Variants in SPIDR observed in about 807,000 individuals in gnomAD.
SPIDR encodes DNA repair-scaffolding protein.
Under a neutral mutation model 104.6 loss-of-function variants are expected in SPIDR, and 93 were observed. The ratio of observed to expected loss-of-function variants is 0.89; its 90% CI spans 0.75 to 1.06. The LOEUF (loss-of-function observed/expected upper bound fraction) is 1.06. Ranked by LOEUF, SPIDR falls within the 50% of genes least tolerant of loss-of-function variation. SPIDR has a pLI of 0.00. For synonymous variants in SPIDR, 431 were observed against 416.9 expected (o/e 1.03, Z -0.41); for missense variants, 1,154 against 1,111.2 (o/e 1.04, Z -0.55).
At chr8:47,487,260 G>T (rs541751439) in intron 8 of SPIDR, among the ~76,000 whole-genome samples, 1 of 152,286 alleles carries the variant, frequency 6.6e-6, no homozygotes, top group Admixed American at 6.5e-5. Flanking sequence ...GACAAAGTTG[G>T]CCATTACATA....
At chr8:47,669,049 T>C (rs533031152) in intron 10 of SPIDR, among the ~76,000 whole-genome samples, 46 of 152,282 alleles carry the variant, frequency 3.0e-4, no homozygotes, top group African/African-American at 1.1e-3. Flanking sequence ...TGAATTAGAT[T>C]CTCTTATTTT....
At chr8:47,530,041 C>T (rs1300953312) in intron 8 of SPIDR, among the ~76,000 whole-genome samples, 3 of 152,186 alleles carry the variant, frequency 2.0e-5, no homozygotes, top group African/African-American at 7.2e-5. Flanking sequence ...GGCACTTATA[C>T]AAGCCTAGGT....
chr8:47,701,379 C>G (rs935160118), intron 12 of SPIDR, among the ~76,000 whole-genome samples: 3 of 152,174 alleles, frequency 2.0e-5, no homozygotes, highest in African/African-American at 7.2e-5. Context: ...TTGTAGTGAG[C>G]CAAGATCGTG....
intron 16 of SPIDR, among the ~76,000 whole-genome samples, chr8:47,714,619 G>A (rs1308926834): frequency 6.6e-6 from 1 of 152,116 alleles, no homozygotes; most frequent in Non-Finnish European, 1.5e-5. Flanking sequence ...CTGTGCTGGC[G>A]CATCCAGGAG....
At chr8:47,485,633 C>T (rs989314891) in intron 8 of SPIDR, among the ~76,000 whole-genome samples, 5 of 152,112 alleles carry the variant, frequency 3.3e-5, no homozygotes, top group African/African-American at 1.2e-4. Flanking sequence ...TAACACCTGA[C>T]ACTTCACCCC....
intron 7 of SPIDR, among the ~76,000 whole-genome samples, chr8:47,409,480 G>T (rs553774373): frequency 6.6e-6 from 1 of 152,240 alleles, no homozygotes; most frequent in Admixed American, 6.5e-5. Flanking sequence ...GGATGGGTAG[G>T]TGTGGGCCCA....
At chr8:47,285,734 T>A (rs2038714539) in intron 3 of SPIDR, among the ~76,000 whole-genome samples, 2 of 152,182 alleles carry the variant, frequency 1.3e-5, no homozygotes, top group Non-Finnish European at 2.9e-5. Flanking sequence ...CTAATGACCT[T>A]ATTTGAATTT....
At chr8:47,698,056 A>G (rs1326978536) in intron 11 of SPIDR, 1 of 152,338 alleles carries the variant, frequency 6.6e-6, no homozygotes, top group East Asian at 1.9e-4. Flanking sequence ...GGTATACCCC[A>G]TGAAATTTAT....
At chr8:47,511,747 GC>G (rs757124496) in intron 8 of SPIDR, 1 of 1,298,178 alleles carries the variant, frequency 7.7e-7, no homozygotes, top group Non-Finnish European at 1.1e-6. Flanking sequence ...TCGCTCCACA[GC>G]TACAGCTCCA....
chr8:47,690,956 T>C (rs2078554588), intron 11 of SPIDR, among the ~76,000 whole-genome samples: 8 of 152,190 alleles, frequency 5.3e-5, no homozygotes, highest in Admixed American at 4.6e-4. Flanking sequence ...ATGTGTGTTT[T>C]AATTTCCTTC....
intron 8 of SPIDR, among the ~76,000 whole-genome samples, chr8:47,556,522 A>G (rs1290071640): frequency 1.3e-5 from 2 of 152,212 alleles, no homozygotes; most frequent in Admixed American, 6.5e-5. Context: ...TTAAATCTAC[A>G]GGTGGATATT....
intron 5 of SPIDR, among the ~76,000 whole-genome samples, chr8:47,310,097 G>A (rs1218793104): frequency 2.0e-5 from 3 of 151,774 alleles, no homozygotes; most frequent in African/African-American, 7.3e-5. Context: ...ACTTTGGGAG[G>A]CCGAGGCAGG....
In SPIDR at chr8:47,482,158, G is replaced by A. The variant is rs80041408; in HGVS notation, c.1097+41616G>A. Among the ~76,000 whole-genome samples, 1,356 of 152,282 alleles carry A rather than the reference G, an allele frequency of 8.9e-3. 14 individuals carry two copies. Among genetic ancestry groups the A allele is most frequent in the Non-Finnish European group, 0.014 (945 of 68,016 alleles). Reference sequence around the variant, plus strand: ...ATTGTCATGAGCAGTTCCACCCTCAGTGTTTACCTCTATGCTTTGAAATCT... The same window carrying A: ...ATTGTCATGAGCAGTTCCACCCTCAATGTTTACCTCTATGCTTTGAAATCT... On this transcript the variant is annotated intron_variant, in intron 8 of 19. Coordinates refer to ENST00000297423, the MANE Select transcript of SPIDR (RefSeq NM_001080394.4).
chr8:47,543,501 C>T (rs2088652407), intron 8 of SPIDR, among the ~76,000 whole-genome samples: 1 of 152,128 alleles, frequency 6.6e-6, no homozygotes, highest in East Asian at 1.9e-4. Flanking sequence ...GGAAATGCAG[C>T]CTTTGGCAAA....
chr8:47,592,701 A>G (rs2061184856), intron 8 of SPIDR: 1 of 629,684 alleles, frequency 1.6e-6, no homozygotes, highest in Non-Finnish European at 2.8e-6. Context: ...TTATAATATG[A>G]TTGTCTTTAA....
At chr8:47,657,236 A>G (rs541551931) in intron 10 of SPIDR, among the ~76,000 whole-genome samples, 1 of 152,370 alleles carries the variant, frequency 6.6e-6, no homozygotes, top group African/African-American at 2.4e-5. Flanking sequence ...GCTGTTATAA[A>G]AATAAAAGGC....
intron 19 of SPIDR, among the ~76,000 whole-genome samples, chr8:47,734,038 T>C (rs2085738375): frequency 6.6e-6 from 1 of 152,182 alleles, no homozygotes; most frequent in Non-Finnish European, 1.5e-5. Flanking sequence ...CTGACATTTA[T>C]TTTTACAAAA....
Position 47,718,806 on chromosome 8 carries a change from G to A in SPIDR, c.2341+5165G>A, listed in dbSNP as rs2082954566. On this transcript the variant is annotated intron_variant, in intron 16 of 19. Coordinates refer to ENST00000297423, the MANE Select transcript of SPIDR (RefSeq NM_001080394.4). ...AACTTTTAAGTTCTGGGGTACATGT[G>A]CAGGACGTGCAGGTTTGTTAAATAG... is the stretch of plus-strand genomic sequence containing the variant. 2.0e-5 allele frequency among the ~76,000 whole-genome samples: 3 copies of A among 151,988 alleles called. No homozygotes were observed. The South Asian group carries it at 6.2e-4, about 32-fold the overall frequency.
At chr8:47,375,163 C>T (rs2058500222) in intron 5 of SPIDR, among the ~76,000 whole-genome samples, 1 of 144,208 alleles carries the variant, frequency 6.9e-6, no homozygotes, top group African/African-American at 2.6e-5. Flanking sequence ...TCTTACTTTG[C>T]TTTGTCTAGT....
Sources: allele counts gnomAD v4.1 joint callset (sites outside exome capture counted in the v4.1 genomes callset), GRCh38; gene constraint gnomAD v4.1.1; transcripts MANE v1.5; gene names NCBI Gene and HGNC (gene_info 2026-07-23, HGNC 2026-07-21).